Variants in SLC4A2 observed in about 807,000 individuals in gnomAD.
SLC4A2 encodes anion exchange protein 2.
SLC4A2 carries 36 observed loss-of-function variants against 115.0 expected under a neutral mutation model. The observed-to-expected ratio is 0.31, with a 90% CI of 0.24 to 0.41. SLC4A2 has a LOEUF of 0.41. Ranked by LOEUF, SLC4A2 falls within the 10% of genes least tolerant of loss-of-function variation. The pLI, the probability that SLC4A2 is intolerant of heterozygous loss-of-function variation, is 1.00. For missense variants in SLC4A2, 1,252 were observed against 1,705.6 expected, an observed-to-expected ratio of 0.73 and a Z score of 4.68; for synonymous variants, 708 against 708.3, an observed-to-expected ratio of 1.00 and a Z score of 0.01.
At position 151,060,056 on chromosome 7, in the gene SLC4A2, C is replaced by G. The variant is rs1796996366; in HGVS notation, c.-64+294C>G. The G allele has an allele frequency of 6.6e-6, 1 of 152,218 alleles. No individual in the cohort carries two copies. The highest frequency in any genetic ancestry group is 2.4e-5 in the African/African-American group (1 of 41,432). 9.4% of individuals were successfully genotyped at this position (152,218 alleles called of 1,614,324 possible). A position where few individuals can be genotyped will look rare whatever the true frequency, so the allele number is the denominator to read the frequency against. On this transcript the variant is annotated intron_variant, in intron 1 of 22. Coordinates refer to ENST00000413384, the MANE Select transcript of SLC4A2 (RefSeq NM_003040.4). The surrounding 1 kb of genome is among the most constrained non-coding windows in gnomAD (Gnocchi z 5.9). ...CCGAGGCGCCGCCGGCCCTCCCACTCCCCGGCTGGCTCCAGACCACCCCTC... is the reference window on the plus strand; with the variant it reads ...CCGAGGCGCCGCCGGCCCTCCCACTGCCCGGCTGGCTCCAGACCACCCCTC...
Position 151,071,699 on chromosome 7 carries a change from G to C in SLC4A2, c.2202G>C (p.Thr734=), listed in dbSNP as rs2303937. The C allele has an allele frequency of 4.4e-6, 7 of 1,608,640 alleles. No individual in the cohort carries two copies. Among genetic ancestry groups the C allele is most frequent in the Admixed American group, 3.4e-5 (2 of 59,584 alleles). ...TTCCTACACCCCTAGGAGAGAAGAC[G>C]CAGGACCTGATAGGGGTGTCGGAGC... is the stretch of plus-strand genomic sequence containing the variant. ...ITFGGLLGEK[T]QDLIGVSELI... Residue 734 remains threonine, a synonymous_variant, in exon 15 of 23, where the codon ACG becomes ACC. Coordinates refer to ENST00000413384, the MANE Select transcript of SLC4A2 (RefSeq NM_003040.4). The surrounding 1 kb of genome is among the most constrained non-coding windows in gnomAD (Gnocchi z 5.5).
chr7:151,067,268 T>C (rs1035455828), intron 7 of SLC4A2, among the ~76,000 whole-genome samples: 6 of 152,188 alleles, frequency 3.9e-5, no homozygotes, highest in Non-Finnish European at 8.8e-5. Flanking sequence ...GTATTTTTAG[T>C]AGAGATGCAG....
At chr7:151,063,252 G>A in intron 2 of SLC4A2, 2 of 1,215,582 alleles carry the variant, frequency 1.6e-6, no homozygotes, top group East Asian at 3.0e-5. Context: ...CTCGGGCCGG[G>A]GGCCTGGGGG....
chr7:151,074,564 A>G, intron 18 of SLC4A2, 76 bp downstream of exon 18: 1 of 1,593,928 alleles, frequency 6.3e-7, no homozygotes, highest in Non-Finnish European at 8.6e-7. Flanking sequence ...CCAGCCTCCA[A>G]ACCCAGCCTG....
chr7:151,059,099 C>A (rs1041358606), upstream of SLC4A2: 1 of 152,226 alleles, frequency 6.6e-6, no homozygotes, highest in African/African-American at 2.4e-5. This position sits in a 1 kb window ranked among gnomAD's most constrained non-coding sequence, Gnocchi z 5.8. Flanking sequence ...AGGTTCCATT[C>A]AAGAGGAAGG....
chr7:151,060,370 C>T lies in SLC4A2; in HGVS notation c.-64+608C>T, dbSNP rs551885570. On this transcript the variant is annotated intron_variant, in intron 1 of 22. Coordinates refer to ENST00000413384, the MANE Select transcript of SLC4A2 (RefSeq NM_003040.4). The surrounding 1 kb of genome is among the most constrained non-coding windows in gnomAD (Gnocchi z 5.9). ...GAAACCCAGGGTCTACTTTATCCCC[C>T]TTCGTTTCCCCCGCCAGCCCCACAT... Among the ~76,000 whole-genome samples, 1 of 152,344 alleles carries T rather than the reference C, an allele frequency of 6.6e-6. No individual in the cohort carries two copies. The highest frequency in any genetic ancestry group is 2.1e-4 in the South Asian group (1 of 4,832).
chr7:151,070,378 C>T (rs780509382), intron 10 of SLC4A2, 32 bp downstream of exon 10: 43 of 1,608,216 alleles, frequency 2.7e-5, no homozygotes, highest in Admixed American at 2.5e-4. Context: ...CCTGGGCTGG[C>T]GGCAGGGCTG....
Position 151,076,521 on chromosome 7 carries a change from C to T in SLC4A2, c.*154C>T, listed in dbSNP as rs973300210. 2.7e-6 allele frequency: 2 copies of T among 728,078 alleles called. No individual in the cohort carries two copies. Among genetic ancestry groups the T allele is most frequent in the Non-Finnish European group, 4.3e-6 (2 of 465,938 alleles). 45.1% of individuals were successfully genotyped at this position (728,078 alleles called of 1,614,324 possible). A position where few individuals can be genotyped will look rare whatever the true frequency, so the allele number is the denominator to read the frequency against. On this transcript the variant is annotated 3_prime_UTR_variant, in exon 23 of 23. Transcript: ENST00000413384. ...CCCCTGCAGTAAAGTGCTTTGGCCCCCACCTATCTGTGGCCTTTTGTCTTT... is the reference window on the plus strand; with the variant it reads ...CCCCTGCAGTAAAGTGCTTTGGCCCTCACCTATCTGTGGCCTTTTGTCTTT...
At chr7:151,070,951 C>A in intron 12 of SLC4A2, 40 bp downstream of exon 12, 1 of 1,602,876 alleles carries the variant, frequency 6.2e-7, no homozygotes, top group Non-Finnish European at 8.5e-7. Context: ...TTCCTGGAGC[C>A]CATCCTAGGC....
Position 151,068,080 on chromosome 7 carries a change from G to T in SLC4A2, c.1147+26G>T, listed in dbSNP as rs984159608. Reference sequence around the variant, plus strand: ...GTAACCCCGCTCCCCTCCACCTCCCGCCTGGCCAGTCCCCAGGAAATTCTC... The same window carrying T: ...GTAACCCCGCTCCCCTCCACCTCCCTCCTGGCCAGTCCCCAGGAAATTCTC... On this transcript the variant is annotated intron_variant, in intron 8 of 22. Coordinates refer to ENST00000413384, the MANE Select transcript of SLC4A2 (RefSeq NM_003040.4). The T allele has an allele frequency of 4.9e-6, 7 of 1,423,334 alleles. No homozygotes were observed. The African/African-American group carries it at 1.0e-4, about 21-fold the overall frequency. The allele number at this position is 1,423,334 out of a possible 1,614,324, so 88.2% of individuals were successfully genotyped here. A position where few individuals can be genotyped will look rare whatever the true frequency, so the allele number is the denominator to read the frequency against.
chr7:151,076,298 C>T lies in SLC4A2; in HGVS notation c.3657C>T (p.Asn1219=), dbSNP rs35551617. The T allele has an allele frequency of 3.1e-3, 4,834 of 1,554,652 alleles. 119 individuals are homozygous for T. In the African/African-American group the frequency reaches 0.057, roughly 18 times the overall value. ...TDREMKCLDA[N]EAEPVFDERE... is the part of the protein sequence containing the mutation. ...CTCCCCACACACAGCTGGATGCTAA[C>T]GAGGCAGAGCCGGTGTTTGATGAGC... Residue 1219 remains asparagine, a synonymous_variant, in exon 23 of 23, where the codon AAC becomes AAT. Transcript: ENST00000413384.
rs997466181 is a variant in SLC4A2 at position 151,066,519 on chromosome 7, C to G, written c.581C>G (p.Thr194Ser). The G allele has an allele frequency of 6.6e-7, 1 of 1,518,268 alleles. No individual in the cohort carries two copies. 94.0% of individuals were successfully genotyped at this position (1,518,268 alleles called of 1,614,324 possible). A position where few individuals can be genotyped will look rare whatever the true frequency, so the allele number is the denominator to read the frequency against. ...TCACGGCCATTCTGTCTGCCTAGAA[C>G]CCAGGTGGAGGAGGCGGAGGCGGAG... ...PRASKGAQAG[T>S]QVEEAEAEAV... Residue 194 changes from threonine to serine, a missense_variant and splice_region_variant, in exon 6 of 23, where the codon ACC becomes AGC. Physicochemically the swap from Thr to Ser is moderately conservative, Grantham distance 58 (BLOSUM62 1). Coordinates refer to ENST00000413384, the MANE Select transcript of SLC4A2 (RefSeq NM_003040.4).
rs1314628460 is a variant in SLC4A2 at position 151,071,198 on chromosome 7, G to A, written c.1876G>A (p.Val626Met). 6.2e-7 allele frequency: 1 copy of A among 1,606,012 alleles called. No individual in the cohort carries two copies. Among genetic ancestry groups the A allele is most frequent in the South Asian group, 1.1e-5 (1 of 89,782 alleles). Residue 626 changes from valine (V) to methionine (M), a missense_variant, in exon 13 of 23, where the codon GTG (valine) becomes ATG (methionine). By Grantham distance (21) the Val-to-Met change is conservative (BLOSUM62 1). This residue lies in a region of SLC4A2 where 122 missense variants were observed against 116.8 expected (regional missense o/e 1.04). Transcript: ENST00000413384. This position sits in a 1 kb window ranked among gnomAD's most constrained non-coding sequence, Gnocchi z 5.5. ...EVQGEELLRS[V>M]AHFQRQMLKK... ...GCAGGGCGAGGAGCTGCTGCGCTCT[G>A]TGGCCCACTTCCAGCGCCAGATGCT...
chr7:151,062,037 C>G lies in SLC4A2; in HGVS notation c.50C>G (p.Thr17Arg). ...RPAKGADSFCTPEPESLGPGT... is the reference protein window; with the variant it reads ...RPAKGADSFCRPEPESLGPGT... Reference sequence around the variant, plus strand: ...GCCAAGGGCGCAGATTCTTTCTGTACGGTGAGTGTGGCCCCCAGGTCGCCA... The same window carrying G: ...GCCAAGGGCGCAGATTCTTTCTGTAGGGTGAGTGTGGCCCCCAGGTCGCCA... The change falls in exon 2 of 23, where the codon ACG becomes AGG. Residue 17 changes from threonine to arginine, a missense_variant and splice_region_variant. Physicochemically the swap from Thr to Arg is moderately conservative, Grantham distance 71. Coordinates refer to ENST00000413384, the MANE Select transcript of SLC4A2 (RefSeq NM_003040.4). 2 of 1,610,292 alleles carry G rather than the reference C, an allele frequency of 1.2e-6. No homozygotes were observed. Among genetic ancestry groups the G allele is most frequent in the Non-Finnish European group, 1.7e-6 (2 of 1,179,424 alleles).
chr7:151,075,267 CAAG>C lies in SLC4A2; in HGVS notation c.3064_3066del (p.Lys1022del). ...CTCCCGCTCTCAGGCTCATCATCTC[CAAG>C]AAGGAGCGCATGCTGCAGAAGGGCT... On this transcript the variant is annotated inframe_deletion, in exon 20 of 23. Transcript: ENST00000413384. 6.2e-7 allele frequency: 1 copy of C among 1,613,098 alleles called. No homozygotes were observed. The highest frequency in any genetic ancestry group is 8.5e-7 in the Non-Finnish European group (1 of 1,180,006).
In SLC4A2 at chr7:151,075,773, A is replaced by C; in HGVS notation, c.3469A>C (p.Lys1157Gln). ...KHHPDVTYVK[K>Q]VRTLRMHLFT... ...CCACCCAGATGTCACTTACGTCAAGAAGGTGAGCCCCCCAGCTCCCCACCG... is the reference window on the plus strand; with the variant it reads ...CCACCCAGATGTCACTTACGTCAAGCAGGTGAGCCCCCCAGCTCCCCACCG... Residue 1157 changes from lysine to glutamine, a missense_variant and splice_region_variant, in exon 21 of 23, where the codon AAG becomes CAG. Lys to Gln is a moderately conservative substitution (Grantham distance 53). Coordinates refer to ENST00000413384, the MANE Select transcript of SLC4A2 (RefSeq NM_003040.4). 6.2e-7 allele frequency: 1 copy of C among 1,602,188 alleles called. No homozygotes were observed. The highest frequency in any genetic ancestry group is 8.5e-7 in the Non-Finnish European group (1 of 1,170,740).
rs1796988890 is a variant in SLC4A2, at chr7:151,059,820, GGAA to G, written c.-64+60_-64+62del. The G allele has an allele frequency of 6.6e-6, 1 of 150,878 alleles. No homozygotes were observed. The highest frequency in any genetic ancestry group is 6.6e-5 in the Admixed American group (1 of 15,218). 9.3% of individuals were successfully genotyped at this position (150,878 alleles called of 1,614,324 possible). ...GGGCCGCAGAGGGAGGAAGGGAGGG[GGAA>G]GGAGAGGGGGGAACTCGGGACTCGA... On this transcript the variant is annotated intron_variant, in intron 1 of 22. Coordinates refer to ENST00000413384, the MANE Select transcript of SLC4A2 (RefSeq NM_003040.4). The surrounding 1 kb of genome is among the most constrained non-coding windows in gnomAD (Gnocchi z 5.8).
chr7:151,072,395 G>A (rs1204991303), intron 16 of SLC4A2, among the ~76,000 whole-genome samples: 2 of 152,128 alleles, frequency 1.3e-5, no homozygotes, highest in South Asian at 2.1e-4. Flanking sequence ...GGGTTCAAGC[G>A]ATTTTCCTGC....
chr7:151,071,303 G>C lies in SLC4A2; in HGVS notation c.1975+6G>C. On this transcript the variant is annotated splice_donor_region_variant and intron_variant, in intron 13 of 22. Coordinates refer to ENST00000413384, the MANE Select transcript of SLC4A2 (RefSeq NM_003040.4). The surrounding 1 kb of genome is among the most constrained non-coding windows in gnomAD (Gnocchi z 5.5). ...CAAATCTGCCCAAGATAAGGGTACGGCCAGGGCGGGCTGGGGCCAGGGCTG... is the reference window on the plus strand; with the variant it reads ...CAAATCTGCCCAAGATAAGGGTACGCCCAGGGCGGGCTGGGGCCAGGGCTG... 6.5e-7 allele frequency: 1 copy of C among 1,547,852 alleles called. No homozygotes were observed. Among genetic ancestry groups the C allele is most frequent in the East Asian group, 2.4e-5 (1 of 41,210 alleles).
Sources: allele counts gnomAD v4.1 joint callset (sites outside exome capture counted in the v4.1 genomes callset), GRCh38; gene constraint gnomAD v4.1.1; regional missense constraint gnomAD v4.1.1; non-coding constraint Gnocchi (gnomAD v3.1); transcripts MANE v1.5; gene names NCBI Gene and HGNC (gene_info 2026-07-23, HGNC 2026-07-21).